Variants in ADGRE1 observed in about 807,000 individuals in gnomAD.
The protein encoded by ADGRE1 is EGF-like module receptor 1.
Under a neutral mutation model 102.7 loss-of-function variants are expected in ADGRE1, and 82 were observed. The observed-to-expected ratio is 0.80, with a 90% confidence interval of 0.67 to 0.96. ADGRE1 has a LOEUF of 0.96. Among genes scored for constraint, ADGRE1 ranks in the 40% least tolerant of loss-of-function variants. The pLI is 0.00. For synonymous variants in ADGRE1, 398 were observed against 399.6 expected, an observed-to-expected ratio of 1.00 and a Z score of 0.05; for missense variants, 1,032 against 1,085.3, an observed-to-expected ratio of 0.95 and a Z score of 0.69.
chr19:6,891,344 T>C (rs892558114), intron 2 of ADGRE1: 1 of 152,224 alleles, frequency 6.6e-6, no homozygotes, highest in African/African-American at 2.4e-5. Flanking sequence ...ATGTCTTTAT[T>C]AGCAGCATGA....
Position 6,901,916 on chromosome 19 carries a change from G to A in ADGRE1, c.556G>A (p.Ala186Thr). ...CADPRACPEHATCNNTVGNYS... is the reference protein window; with the variant it reads ...CADPRACPEHTTCNNTVGNYS... ...AGATCCAAGAGCTTGCCCAGAGCATGCAACTTGTAATAACACTGTTGGAAA... is the reference window on the plus strand; with the variant it reads ...AGATCCAAGAGCTTGCCCAGAGCATACAACTTGTAATAACACTGTTGGAAA... Residue 186 changes from alanine (A) to threonine (T), a missense_variant, in exon 6 of 21, where the codon GCA (alanine) becomes ACA (threonine). Coordinates refer to ENST00000312053, the MANE Select transcript of ADGRE1 (RefSeq NM_001974.5). The A allele has an allele frequency of 6.2e-7, 1 of 1,614,218 alleles. No individual in the cohort carries two copies. The highest frequency in any genetic ancestry group is 8.5e-7 in the Non-Finnish European group (1 of 1,180,040).
rs941392036 is a variant in ADGRE1 at position 6,921,753 on chromosome 19, G to A, written c.1661G>A (p.Ser554Asn). The A allele has an allele frequency of 4.3e-6, 7 of 1,613,828 alleles. No individual in the cohort carries two copies. The highest frequency in any genetic ancestry group is 5.9e-6 in the Non-Finnish European group (7 of 1,179,876). ...KFERPICVSW[S>N]TDVKGGRWTS... ...GAGAGGCCCATCTGTGTTTCCTGGAGCACTGATGTGAAGGGTGGAAGATGG... is the reference window on the plus strand; with the variant it reads ...GAGAGGCCCATCTGTGTTTCCTGGAACACTGATGTGAAGGGTGGAAGATGG... The change falls in exon 14 of 21, where the codon AGC becomes AAC. Residue 554 changes from serine to asparagine, a missense_variant. By Grantham distance (46) the Ser-to-Asn change is conservative. Transcript: ENST00000312053.
At position 6,921,868 on chromosome 19, in the gene ADGRE1, G is replaced by A. The variant is rs148040255; in HGVS notation, c.1776G>A (p.Ala592=). 5,858 of 1,613,604 alleles carry A rather than the reference G, an allele frequency of 3.6e-3. 30 individuals are homozygous for A. The highest frequency in any genetic ancestry group is 6.4e-3 in the Admixed American group (382 of 59,948). The part of the protein sequence containing the change: ...NQMANLAVIM[A]SGELTMDFSL... ...TGGCAAATCTTGCCGTTATCATGGC[G>A]TCTGGGGAGCTCACGGTCAGTACTG... is the stretch of plus-strand genomic sequence containing the variant. The change falls in exon 14 of 21, where the codon GCG becomes GCA. Residue 592 remains alanine, a synonymous_variant. Coordinates refer to ENST00000312053, the MANE Select transcript of ADGRE1 (RefSeq NM_001974.5).
At chr19:6,889,118 G>C (rs906703739) in intron 1 of ADGRE1, among the ~76,000 whole-genome samples, 2 of 151,852 alleles carry the variant, frequency 1.3e-5, no homozygotes, top group African/African-American at 4.8e-5. Flanking sequence ...TGGTGATGAT[G>C]ATAATGGTGA....
intron 13 of ADGRE1, 152 bp downstream of exon 13, chr19:6,919,899 G>A (rs774930907): frequency 1.1e-5 from 8 of 712,588 alleles, no homozygotes; most frequent in Non-Finnish European, 1.6e-5. Context: ...AGAAGCTACC[G>A]CTAGAGGAAT....
chr19:6,897,014 G>A, intron 3 of ADGRE1, 135 bp from the exon 4 acceptor site: 2 of 890,122 alleles, frequency 2.2e-6, no homozygotes, highest in Non-Finnish European at 3.3e-6. Flanking sequence ...ACCTTCCATT[G>A]CTTGACAGAA....
intron 11 of ADGRE1, among the ~76,000 whole-genome samples, chr19:6,915,458 T>C (rs1188194148): frequency 6.6e-6 from 1 of 152,144 alleles, no homozygotes; most frequent in East Asian, 1.9e-4. Context: ...CTTGTCATGA[T>C]AGAGATGAGA....
intron 13 of ADGRE1, among the ~76,000 whole-genome samples, 179 bp downstream of exon 13, chr19:6,919,926 A>G (rs574546240): frequency 3.9e-5 from 6 of 152,156 alleles, no homozygotes; most frequent in Non-Finnish European, 8.8e-5. Context: ...TCCCACTGTC[A>G]CCAAACAGAA....
chr19:6,932,806 C>A (rs1975219338), intron 17 of ADGRE1, among the ~76,000 whole-genome samples: 1 of 152,204 alleles, frequency 6.6e-6, no homozygotes, highest in African/African-American at 2.4e-5. Flanking sequence ...CCCCTCTAGA[C>A]CTCTCTCATG....
chr19:6,910,787 G>C (rs1028738648), intron 10 of ADGRE1, among the ~76,000 whole-genome samples: 1 of 151,884 alleles, frequency 6.6e-6, no homozygotes, highest in African/African-American at 2.4e-5. Flanking sequence ...TGGCCAGGCT[G>C]GTCTCGAACT....
intron 10 of ADGRE1, among the ~76,000 whole-genome samples, chr19:6,912,807 T>C (rs939769686): frequency 2.0e-5 from 3 of 152,232 alleles, no homozygotes; most frequent in Non-Finnish European, 4.4e-5. Context: ...TGCACAACTT[T>C]TAAGTATTTC....
At chr19:6,901,325 G>T (rs1973759046) in intron 5 of ADGRE1, among the ~76,000 whole-genome samples, 1 of 152,124 alleles carries the variant, frequency 6.6e-6, no homozygotes, top group Admixed American at 6.6e-5. Context: ...TTGGTCTTTT[G>T]TTCTTCATTA....
In ADGRE1 at chr19:6,919,540, A is replaced by G. The variant is rs541277007; in HGVS notation, c.1421-8A>G. 1.7e-5 allele frequency: 28 copies of G among 1,604,892 alleles called. No homozygotes were observed. In the South Asian group the frequency reaches 3.0e-4, roughly 17 times the overall value. ...TCCTTCCTTTTTTTCATTTGGGGAAACCTGCAGAGACCACTGGTGTGGCTT... is the reference window on the plus strand; with the variant it reads ...TCCTTCCTTTTTTTCATTTGGGGAAGCCTGCAGAGACCACTGGTGTGGCTT... On this transcript the variant is annotated splice_polypyrimidine_tract_variant and splice_region_variant and intron_variant, in intron 12 of 20. Coordinates refer to ENST00000312053, the MANE Select transcript of ADGRE1 (RefSeq NM_001974.5).
In ADGRE1 at chr19:6,924,883, C is replaced by T. The variant is rs1210126734; in HGVS notation, c.1986+11C>T. ...AAGACTGACAACAAGGTCTACATCGCTCGGGCTGTGTCCCCACCAAGCCCC... is the reference window on the plus strand; with the variant it reads ...AAGACTGACAACAAGGTCTACATCGTTCGGGCTGTGTCCCCACCAAGCCCC... On this transcript the variant is annotated intron_variant, in intron 15 of 20. Coordinates refer to ENST00000312053, the MANE Select transcript of ADGRE1 (RefSeq NM_001974.5). 1 of 1,613,188 alleles carries T rather than the reference C, an allele frequency of 6.2e-7. No individual in the cohort carries two copies. The highest frequency in any genetic ancestry group is 8.5e-7 in the Non-Finnish European group (1 of 1,179,482).
Position 6,919,573 on chromosome 19 carries a change from C to G in ADGRE1, c.1446C>G (p.Ser482=). The G allele has an allele frequency of 1.2e-6, 2 of 1,610,710 alleles. No individual in the cohort carries two copies. The highest frequency in any genetic ancestry group is 1.7e-6 in the Non-Finnish European group (2 of 1,178,636). Reference sequence around the variant, plus strand: ...AGACCACTGGTGTGGCTTTTGTCTCCTTTGTGGGCATGGAATCGGTTTTAA... The same window carrying G: ...AGACCACTGGTGTGGCTTTTGTCTCGTTTGTGGGCATGGAATCGGTTTTAA... ...STETTGVAFV[S]FVGMESVLNE... Residue 482 remains serine (S), a synonymous_variant, in exon 13 of 21, where the codon TCC becomes TCG. Coordinates refer to ENST00000312053, the MANE Select transcript of ADGRE1 (RefSeq NM_001974.5).
chr19:6,895,304 G>C (rs1973510544), intron 2 of ADGRE1: 1 of 152,236 alleles, frequency 6.6e-6, no homozygotes, highest in South Asian at 2.1e-4. Context: ...TTTTCACCAG[G>C]TGGCCACAGC....
chr19:6,937,228 A>C lies in ADGRE1; in HGVS notation c.2382-15A>C. The C allele has an allele frequency of 2.5e-6, 4 of 1,610,188 alleles. No individual in the cohort carries two copies. Among genetic ancestry groups the C allele is most frequent in the Non-Finnish European group, 3.4e-6 (4 of 1,177,686 alleles). ...CACCTCCCAGAGCCTTACATGCTGT[A>C]CATCTTCTCCCCAGGTTACTGACCT... On this transcript the variant is annotated splice_polypyrimidine_tract_variant and intron_variant, in intron 18 of 20. Coordinates refer to ENST00000312053, the MANE Select transcript of ADGRE1 (RefSeq NM_001974.5).
chr19:6,901,751 T>G, intron 5 of ADGRE1, 124 bp from the exon 6 acceptor site: 1 of 979,668 alleles, frequency 1.0e-6, no homozygotes, highest in Non-Finnish European at 1.5e-6. Flanking sequence ...GGGGGGAACA[T>G]GGATATTGGG....
At chr19:6,937,432 C>T in intron 19 of ADGRE1, 21 bp downstream of exon 19, 2 of 1,604,240 alleles carry the variant, frequency 1.2e-6, no homozygotes, top group Non-Finnish European at 1.7e-6. Context: ...GCTGCCCTCC[C>T]CATCCCCCTC....
Sources: gnomAD v4.1 joint callset for allele counts (sites outside exome capture counted in the v4.1 genomes callset) on GRCh38, gnomAD v4.1.1 for gene constraint, MANE v1.5 for transcripts, NCBI Gene and HGNC (gene_info 2026-07-23, HGNC 2026-07-21) for gene names.